Variants in ZNF625 observed in about 807,000 individuals in gnomAD.
The protein encoded by ZNF625 is zinc finger protein 625.
In ZNF625, 8 loss-of-function variants were observed where a neutral mutation model predicts 11.1. The observed-to-expected ratio is 0.72, with a 90% CI of 0.42 to 1.30. The LOEUF (loss-of-function observed/expected upper bound fraction) is 1.30, where lower values mean the gene tolerates loss of function less well. Among genes scored for constraint, ZNF625 ranks in the 50% most tolerant of loss-of-function variants. The probability of loss-of-function intolerance (pLI) is 0.01; values close to 1 mark genes in which losing one functional copy is unlikely to be tolerated. For synonymous variants in ZNF625, 145 were observed against 153.4 expected, an observed-to-expected ratio of 0.95 and a Z score of 0.41; for missense variants, 349 against 447.6, an observed-to-expected ratio of 0.78 and a Z score of 1.99.
intron 1 of ZNF625, 42 bp downstream of exon 1, chr19:12,156,514 G>A (rs545781316): frequency 9.2e-6 from 13 of 1,413,624 alleles, no homozygotes; most frequent in African/African-American, 1.5e-5. Flanking sequence ...GGTTCCTCCC[G>A]GCCCCTCCCC....
At chr19:12,149,743 A>T (rs1021525244) in intron 1 of ZNF625, among the ~76,000 whole-genome samples, 21 of 145,822 alleles carry the variant, frequency 1.4e-4, no homozygotes, top group Middle Eastern at 3.3e-3. Flanking sequence ...CGGCAGAAGT[A>T]TTTTTTTTTT....
At chr19:12,155,215 C>T (rs960316486) in intron 1 of ZNF625, among the ~76,000 whole-genome samples, 143 of 141,990 alleles carry the variant, frequency 1.0e-3, no homozygotes, top group Middle Eastern at 3.5e-3. Context: ...GAGAGTGAGG[C>T]TCCATCTCAA....
chr19:12,152,342 C>A (rs1002876815), intron 1 of ZNF625, among the ~76,000 whole-genome samples: 4 of 151,936 alleles, frequency 2.6e-5, no homozygotes, highest in Non-Finnish European at 5.9e-5. Flanking sequence ...AAAGAAAACA[C>A]CTCACCAATA....
At chr19:12,151,913 T>G (rs769248095) in intron 1 of ZNF625, among the ~76,000 whole-genome samples, 16 of 152,172 alleles carry the variant, frequency 1.1e-4, no homozygotes, top group South Asian at 4.1e-4. Context: ...GTGTTTCTCT[T>G]GTCATATTAT....
Position 12,145,783 on chromosome 19 carries a change from T to C in ZNF625, c.633A>G (p.Arg211=). 2 of 1,614,220 alleles carry C rather than the reference T, an allele frequency of 1.2e-6. No homozygotes were observed. Among genetic ancestry groups the C allele is most frequent in the Non-Finnish European group, 1.7e-6 (2 of 1,180,032 alleles). Residue 211 remains arginine (R), a synonymous_variant, in exon 4 of 4, where the codon CGA becomes CGG. Coordinates refer to ENST00000439556, the MANE Select transcript of ZNF625 (RefSeq NM_145233.4). ...CATATGGTTTCTCTCCAGTGTGAGT[T>C]CGTTTGTGGATAAGATACAAACTGA... ...MCLSLYLIHK[R]THTGEKPYEC...
chr19:12,151,894 CT>C (rs1976961485), intron 1 of ZNF625, among the ~76,000 whole-genome samples: 1 of 152,160 alleles, frequency 6.6e-6, no homozygotes, highest in South Asian at 2.1e-4. Flanking sequence ...TACTTTTTCT[CT>C]GTTCCTAGTG....
chr19:12,147,503 A>G (rs1236873565), intron 2 of ZNF625, 48 bp from the exon 3 acceptor site: 5 of 1,505,206 alleles, frequency 3.3e-6, no homozygotes, highest in Non-Finnish European at 4.5e-6. Context: ...AAAATTATGA[A>G]AAAAGTACTA....
intron 3 of ZNF625, 145 bp from the exon 4 acceptor site, chr19:12,146,369 C>T: frequency 1.4e-6 from 1 of 722,916 alleles, no homozygotes; most frequent in Non-Finnish European, 2.3e-6. Flanking sequence ...ACCACACATG[C>T]TCTACAAGAT....
Position 12,145,121 on chromosome 19 carries a change from C to T in ZNF625, c.*176G>A. 1 of 688,678 alleles carries T rather than the reference C, an allele frequency of 1.5e-6. No homozygotes were observed. 42.7% of individuals were successfully genotyped at this position (688,678 alleles called of 1,614,324 possible). On this transcript the variant is annotated 3_prime_UTR_variant, in exon 4 of 4. Transcript: ENST00000439556. ...TGTCCTAGGTATCTGAGTGAGGCCCCAGCTAAACTACTCCCAAAAATTTTT... is the reference window on the plus strand; with the variant it reads ...TGTCCTAGGTATCTGAGTGAGGCCCTAGCTAAACTACTCCCAAAAATTTTT...
In ZNF625 at chr19:12,154,506, T is replaced by A. The variant is rs186354275; in HGVS notation, c.3+2050A>T. On this transcript the variant is annotated intron_variant, in intron 1 of 3. Coordinates refer to ENST00000439556, the MANE Select transcript of ZNF625 (RefSeq NM_145233.4). ...GGGACACTGCACTAGGTCAAGAGTT[T>A]AACTTTTAGCTCCGGAGTTCTAAGC... Among the ~76,000 whole-genome samples the A allele has an allele frequency of 1.1e-3, 160 of 152,320 alleles. 2 individuals carry two copies. The highest frequency in any genetic ancestry group is 2.6e-3 in the Admixed American group (40 of 15,286).
At position 12,145,138 on chromosome 19, in the gene ZNF625, A is replaced by G. The variant is rs1428549829; in HGVS notation, c.*159T>C. 4 of 845,998 alleles carry G rather than the reference A, an allele frequency of 4.7e-6. No individual in the cohort carries two copies. The highest frequency in any genetic ancestry group is 7.4e-6 in the Non-Finnish European group (4 of 538,594). 52.4% of individuals were successfully genotyped at this position (845,998 alleles called of 1,614,324 possible). On this transcript the variant is annotated 3_prime_UTR_variant, in exon 4 of 4. Transcript: ENST00000439556. ...TGAGGCCCCAGCTAAACTACTCCCA[A>G]AAATTTTTGCTCCTGGGCTACTGGC...
At chr19:12,151,545 A>C (rs928890667) in intron 1 of ZNF625, among the ~76,000 whole-genome samples, 2 of 151,730 alleles carry the variant, frequency 1.3e-5, no homozygotes, top group African/African-American at 4.8e-5. Context: ...ACGCCCGGCT[A>C]ATTTTTTGTA....
At position 12,145,977 on chromosome 19, in the gene ZNF625, G is replaced by A; in HGVS notation, c.439C>T (p.Leu147Phe). 1 of 1,614,164 alleles carries A rather than the reference G, an allele frequency of 6.2e-7. No individual in the cohort carries two copies. Among genetic ancestry groups the A allele is most frequent in the South Asian group, 1.1e-5 (1 of 91,070 alleles). ...CATTCATGTGTTCGAAAGTAGGGGAGATCACTGAAGGCTTTCTTACAGTAT... is the reference window on the plus strand; with the variant it reads ...CATTCATGTGTTCGAAAGTAGGGGAAATCACTGAAGGCTTTCTTACAGTAT... ...CTYCKKAFSD[L>F]PYFRTHEWAH... Residue 147 changes from leucine to phenylalanine, a missense_variant, in exon 4 of 4, where the codon CTC (leucine) becomes TTC (phenylalanine). Transcript: ENST00000439556.
At chr19:12,151,076 CTT>C (rs1032203006) in intron 1 of ZNF625, among the ~76,000 whole-genome samples, 4 of 149,918 alleles carry the variant, frequency 2.7e-5, no homozygotes, top group Non-Finnish European at 4.4e-5. Flanking sequence ...GGTGAATACT[CTT>C]TGCAATTTAT....
intron 1 of ZNF625, among the ~76,000 whole-genome samples, chr19:12,152,200 A>C (rs1976965661): frequency 6.6e-6 from 1 of 152,160 alleles, no homozygotes; most frequent in African/African-American, 2.4e-5. Context: ...ACCATAACTA[A>C]ACCATATACT....
intron 1 of ZNF625, among the ~76,000 whole-genome samples, chr19:12,151,157 A>C (rs918774958): frequency 2.0e-4 from 30 of 151,118 alleles, no homozygotes; most frequent in Non-Finnish European, 1.6e-4. Context: ...TGCAGTAACC[A>C]GGCTTGAATC....
intron 1 of ZNF625, among the ~76,000 whole-genome samples, chr19:12,156,274 C>G (rs909745255): frequency 2.0e-5 from 3 of 152,196 alleles, no homozygotes; most frequent in African/African-American, 7.2e-5. Context: ...TCTGGGGAGA[C>G]GCGGGACTAC....
chr19:12,152,214 T>A (rs1199115302), intron 1 of ZNF625, among the ~76,000 whole-genome samples: 1 of 152,136 alleles, frequency 6.6e-6, no homozygotes, highest in Non-Finnish European at 1.5e-5. Context: ...ATATACTGTA[T>A]ATAAATGCAA....
Position 12,145,895 on chromosome 19 carries a change from G to A in ZNF625, c.521C>T (p.Ser174Phe). The change falls in exon 4 of 4, where the codon TCC becomes TTC. Residue 174 changes from serine to phenylalanine, a missense_variant. Transcript: ENST00000439556. ...DCEECGKSFI[S>F]RSSIRRHRIM... ...CCTGTGTCTTCGAATGCTTGAACGG[G>A]AAATAAAGCTTTTTCCACATTCCTC... The A allele has an allele frequency of 2.5e-6, 4 of 1,614,108 alleles. No individual in the cohort carries two copies. The highest frequency in any genetic ancestry group is 1.1e-5 in the South Asian group (1 of 91,082).
Sources: allele counts gnomAD v4.1 joint callset (sites outside exome capture counted in the v4.1 genomes callset), GRCh38; gene constraint gnomAD v4.1.1; transcripts MANE v1.5; gene names NCBI Gene and HGNC (gene_info 2026-07-23, HGNC 2026-07-21).